BPIFB1: variants seen among roughly 807,000 people sequenced by gnomAD.
BPIFB1 encodes BPI fold containing family B member 1.
BPIFB1 carries 34 observed loss-of-function variants against 55.1 expected under a neutral mutation model. The ratio of observed to expected loss-of-function variants is 0.62; its 90% CI spans 0.47 to 0.82. The LOEUF (loss-of-function observed/expected upper bound fraction) is 0.82. Ranked by LOEUF, BPIFB1 falls within the 40% of genes least tolerant of loss-of-function variation. The pLI is 0.00. For synonymous variants in BPIFB1, 236 were observed against 245.3 expected, an observed-to-expected ratio of 0.96 and a Z score of 0.35; for missense variants, 532 against 593.1, an observed-to-expected ratio of 0.90 and a Z score of 1.07.
intron 1 of BPIFB1, 147 bp from the exon 2 acceptor site, chr20:33,285,886 T>A (rs1431558549): frequency 1.8e-6 from 1 of 569,622 alleles, no homozygotes; most frequent in African/African-American, 1.9e-5. Context: ...ACAAAGAGGT[T>A]ACGTTGATTG....
chr20:33,291,156 G>T (rs754701384), intron 5 of BPIFB1, 50 bp downstream of exon 5: 2 of 1,591,882 alleles, frequency 1.3e-6, no homozygotes, highest in Middle Eastern at 1.7e-4. Context: ...TGGAAGGAAC[G>T]CCAGGCAGTG....
rs746729473 is a variant in BPIFB1 at position 33,304,853 on chromosome 20, C to G, written c.1216C>G (p.Arg406Gly). 1.2e-6 allele frequency: 2 copies of G among 1,614,178 alleles called. No individual in the cohort carries two copies. Among genetic ancestry groups the G allele is most frequent in the Non-Finnish European group, 1.7e-6 (2 of 1,180,030 alleles). ...AGGCATCTTCCATTGCAGCTCTGAT[C>G]GGATCCAGCTGATGAACTCTGGGAT... ...ILNLNNISSD[R>G]IQLMNSGIGW... The change falls in exon 13 of 16, where the codon CGG becomes GGG. Residue 406 changes from arginine to glycine, a missense_variant. Coordinates refer to ENST00000253354, the MANE Select transcript of BPIFB1 (RefSeq NM_033197.3).
chr20:33,292,132 T>A, intron 6 of BPIFB1, 144 bp downstream of exon 6: 1 of 775,154 alleles, frequency 1.3e-6, no homozygotes, highest in Non-Finnish European at 2.1e-6. Flanking sequence ...TAGCAAAGAG[T>A]CATGGAGTGG....
intron 9 of BPIFB1, 106 bp from the exon 10 acceptor site, chr20:33,302,253 C>A: frequency 8.2e-7 from 1 of 1,218,270 alleles, no homozygotes; most frequent in East Asian, 2.3e-5. Context: ...CTGGGCCCAC[C>A]CAGCTTTTCT....
intron 7 of BPIFB1, 154 bp downstream of exon 7, chr20:33,297,742 G>C (rs1233168450): frequency 1.3e-6 from 1 of 766,916 alleles, no homozygotes. Context: ...CCCTGCCCCA[G>C]ACGCGCAGAC....
At chr20:33,301,740 GGC>G (rs1251561643) in intron 9 of BPIFB1, among the ~76,000 whole-genome samples, 5 of 152,330 alleles carry the variant, frequency 3.3e-5, no homozygotes, top group Admixed American at 6.5e-5. Context: ...GTCCAGGGAT[GGC>G]GACTGTGCCA....
intron 3 of BPIFB1, 36 bp downstream of exon 3, chr20:33,288,918 T>C: frequency 6.3e-7 from 1 of 1,590,554 alleles, no homozygotes. Context: ...AGCTAGCCCC[T>C]TCCCACACCT....
chr20:33,296,566 G>C (rs931627851), intron 6 of BPIFB1, among the ~76,000 whole-genome samples: 2 of 152,138 alleles, frequency 1.3e-5, no homozygotes, highest in African/African-American at 4.8e-5. Flanking sequence ...CTGACATTTT[G>C]GGCTGGATAA....
chr20:33,285,705 G>A (rs868746223), intron 1 of BPIFB1, among the ~76,000 whole-genome samples: 20 of 138,242 alleles, frequency 1.4e-4, no homozygotes, highest in Middle Eastern at 7.5e-3. Context: ...GTGACAGAGC[G>A]AGACTCTGTC....
rs141478347 is a variant in BPIFB1, at chr20:33,307,210, G to GTCATTCAT, written c.1395+243_1395+250dup. The GTCATTCAT allele has an allele frequency of 5.7e-6, 3 of 523,210 alleles. No individual in the cohort carries two copies. The African/African-American group carries it at 5.8e-5, about 10-fold the overall frequency. The allele number at this position is 523,210 out of a possible 1,614,324, so 32.4% of individuals were successfully genotyped here. A position where few individuals can be genotyped will look rare whatever the true frequency, so the allele number is the denominator to read the frequency against. ...GTCAGTACACTTTTTCCACCCCCTT[G>GTCATTCAT]TCATTCATTCATTCATTCATTCATT... is the stretch of plus-strand genomic sequence containing the variant. On this transcript the variant is annotated intron_variant, in intron 15 of 15. Transcript: ENST00000253354.
At chr20:33,296,142 G>A (rs1324108133) in intron 6 of BPIFB1, among the ~76,000 whole-genome samples, 1 of 152,180 alleles carries the variant, frequency 6.6e-6, no homozygotes. Context: ...GTCTGGGTGG[G>A]TCCTAGTATC....
chr20:33,289,692 G>T (rs1347703651), intron 3 of BPIFB1, among the ~76,000 whole-genome samples, 193 bp from the exon 4 acceptor site: 1 of 152,166 alleles, frequency 6.6e-6, no homozygotes. Flanking sequence ...AGAAGAGAAG[G>T]CACCATAATA....
intron 3 of BPIFB1, 39 bp downstream of exon 3, chr20:33,288,921 C>T (rs928578755): frequency 1.9e-6 from 3 of 1,589,388 alleles, no homozygotes; most frequent in African/African-American, 2.7e-5. Flanking sequence ...TAGCCCCTTC[C>T]CACACCTTTG....
At chr20:33,295,162 C>T (rs1045933150) in intron 6 of BPIFB1, among the ~76,000 whole-genome samples, 2 of 151,420 alleles carry the variant, frequency 1.3e-5, no homozygotes, top group Non-Finnish European at 2.9e-5. Flanking sequence ...TTGCAGTGAG[C>T]TGAGATAACG....
At chr20:33,300,145 G>A (rs766897395) in intron 8 of BPIFB1, among the ~76,000 whole-genome samples, 161 bp downstream of exon 8, 12 of 152,204 alleles carry the variant, frequency 7.9e-5, no homozygotes, top group Non-Finnish European at 1.3e-4. Flanking sequence ...TATGTCCCAT[G>A]CAAGTTTGTT....
chr20:33,283,944 T>A (rs115522149), intron 1 of BPIFB1, among the ~76,000 whole-genome samples: 162 of 151,986 alleles, frequency 1.1e-3, no homozygotes, highest in African/African-American at 3.5e-3. Flanking sequence ...ACAGACAGAG[T>A]CAAGGTATTT....
intron 9 of BPIFB1, among the ~76,000 whole-genome samples, chr20:33,301,776 G>T (rs1448276418): frequency 6.6e-6 from 1 of 152,180 alleles, no homozygotes; most frequent in Non-Finnish European, 1.5e-5. Context: ...TGACACTCAT[G>T]GCAGACATCA....
At position 33,286,048 on chromosome 20, in the gene BPIFB1, C is replaced by T; in HGVS notation, c.-26C>T. On this transcript the variant is annotated 5_prime_UTR_variant, in exon 2 of 16. Transcript: ENST00000253354. ...CTCACCCCAGGTCTGGCATCCTGCA[C>T]TTGCTGCCCTCTGACACCTGGGAAG... The T allele has an allele frequency of 6.2e-7, 1 of 1,610,534 alleles. No individual in the cohort carries two copies.
chr20:33,285,442 G>A (rs956970448), intron 1 of BPIFB1, among the ~76,000 whole-genome samples: 4 of 151,826 alleles, frequency 2.6e-5, no homozygotes, highest in Non-Finnish European at 4.4e-5. Flanking sequence ...GGCTGGGCGC[G>A]GTGGCTCACG....
Sources: allele counts gnomAD v4.1 joint callset (sites outside exome capture counted in the v4.1 genomes callset), GRCh38; gene constraint gnomAD v4.1.1; transcripts MANE v1.5; gene names NCBI Gene and HGNC (gene_info 2026-07-23, HGNC 2026-07-21).